TOLLIP: variants seen among roughly 807,000 people sequenced by gnomAD.
TOLLIP encodes toll interacting protein, also known as toll-interacting protein.
In TOLLIP, 16 loss-of-function variants were observed where a neutral mutation model predicts 33.5. The ratio of observed to expected loss-of-function variants is 0.48; its 90% CI spans 0.32 to 0.72. TOLLIP has a LOEUF of 0.72. Ranked by LOEUF, TOLLIP falls within the 30% of genes least tolerant of loss-of-function variation. The pLI is 0.03. For missense variants in TOLLIP, 325 were observed against 396.6 expected (o/e 0.82, Z 1.53); for synonymous variants, 176 against 163.7 (o/e 1.07, Z -0.57).
chr11:1,304,489 G>A (rs957118224), intron 1 of TOLLIP, among the ~76,000 whole-genome samples: 7 of 152,358 alleles, frequency 4.6e-5, no homozygotes, highest in Non-Finnish European at 7.3e-5. Context: ...ACATTCCTGC[G>A]GGAGCCCCAA....
intron 1 of TOLLIP, chr11:1,306,306 C>G (rs549471946): frequency 6.6e-6 from 1 of 152,216 alleles, no homozygotes; most frequent in East Asian, 1.9e-4. Flanking sequence ...GAAGCTCCCT[C>G]TACCCAAGGA....
chr11:1,288,888 G>T, intron 3 of TOLLIP, 112 bp from the exon 4 acceptor site: 1 of 1,191,380 alleles, frequency 8.4e-7, no homozygotes, highest in Non-Finnish European at 1.2e-6. Context: ...GTGGAACAGG[G>T]CTCCCACCTG....
chr11:1,297,148 C>T (rs1004050408), intron 1 of TOLLIP, among the ~76,000 whole-genome samples: 10 of 152,092 alleles, frequency 6.6e-5, no homozygotes, highest in Admixed American at 4.6e-4. Flanking sequence ...GTGTGTCGGA[C>T]GTGAGCTTAG....
At chr11:1,286,503 C>T (rs1380231459) in intron 4 of TOLLIP, among the ~76,000 whole-genome samples, 1 of 152,222 alleles carries the variant, frequency 6.6e-6, no homozygotes, top group Non-Finnish European at 1.5e-5. Flanking sequence ...AAACTGTCCA[C>T]TGTGGATAAG....
rs768385278 is a variant in TOLLIP at position 1,276,560 on chromosome 11, C to G, written c.*479G>C. 61 of 846,590 alleles carry G rather than the reference C, an allele frequency of 7.2e-5. No homozygotes were observed. The highest frequency in any genetic ancestry group is 1.0e-4 in the Non-Finnish European group (61 of 607,078). 52.4% of individuals were successfully genotyped at this position (846,590 alleles called of 1,614,324 possible). A position where few individuals can be genotyped will look rare whatever the true frequency, so the allele number is the denominator to read the frequency against. ...CAGGGGCCAGGCTCACAGCAAAGCG[C>G]GTTAGGGCAAGGGCGTGAGTTTTCG... On this transcript the variant is annotated 3_prime_UTR_variant, in exon 6 of 6. Coordinates refer to ENST00000317204, the MANE Select transcript of TOLLIP (RefSeq NM_019009.4).
chr11:1,283,361 C>T (rs943031024), intron 5 of TOLLIP: 13 of 349,162 alleles, frequency 3.7e-5, no homozygotes, highest in South Asian at 8.5e-5. Flanking sequence ...CTGGATGCTG[C>T]GGACTCAGAC....
intron 1 of TOLLIP, 85 bp downstream of exon 1, chr11:1,309,381 C>G: frequency 1.3e-6 from 1 of 776,430 alleles, no homozygotes; most frequent in Non-Finnish European, 1.7e-6. Flanking sequence ...GCCCGCCAGC[C>G]GCAGCTGAGC....
chr11:1,293,504 A>G (rs1342512738), intron 2 of TOLLIP, among the ~76,000 whole-genome samples: 1 of 152,174 alleles, frequency 6.6e-6, no homozygotes, highest in African/African-American at 2.4e-5. Flanking sequence ...CAAGCAGGGA[A>G]CCACCTGTGT....
intron 5 of TOLLIP, among the ~76,000 whole-genome samples, chr11:1,284,507 C>T (rs1296136847): frequency 6.6e-6 from 1 of 152,176 alleles, no homozygotes; most frequent in Non-Finnish European, 1.5e-5. Context: ...CACCACCGCG[C>T]CCGGCTAATT....
chr11:1,299,595 T>C (rs967341840), intron 1 of TOLLIP, among the ~76,000 whole-genome samples: 2 of 152,216 alleles, frequency 1.3e-5, no homozygotes, highest in African/African-American at 4.8e-5. Flanking sequence ...TTACCCTGGT[T>C]CAAAGGCTTG....
At chr11:1,301,072 T>C (rs1864262271) in intron 1 of TOLLIP, among the ~76,000 whole-genome samples, 1 of 152,288 alleles carries the variant, frequency 6.6e-6, no homozygotes, top group South Asian at 2.1e-4. Flanking sequence ...ACTAAAATGC[T>C]TCTAGCACTT....
At chr11:1,291,846 C>T (rs1158768387) in intron 2 of TOLLIP, 1 of 161,656 alleles carries the variant, frequency 6.2e-6, no homozygotes, top group Non-Finnish European at 1.4e-5. Flanking sequence ...ACGGCCGCCC[C>T]GTCCTCACCG....
chr11:1,297,664 C>A (rs1383243468), intron 1 of TOLLIP, among the ~76,000 whole-genome samples: 2 of 152,258 alleles, frequency 1.3e-5, no homozygotes, highest in African/African-American at 2.4e-5. Flanking sequence ...AAGCAGAGCA[C>A]CCCGGCTTCA....
In TOLLIP at chr11:1,309,584, G is replaced by A. The variant is rs1245971909; in HGVS notation, c.-86C>T. Reference sequence around the variant, plus strand: ...CGCCCCCGCCGGAGCCTGCGACGGAGACAGTTGTCACCTCGAGGCCGCCGC... The same window carrying A: ...CGCCCCCGCCGGAGCCTGCGACGGAAACAGTTGTCACCTCGAGGCCGCCGC... On this transcript the variant is annotated 5_prime_UTR_variant, in exon 1 of 6. Transcript: ENST00000317204. The A allele has an allele frequency of 2.1e-5, 15 of 698,826 alleles. No individual in the cohort carries two copies. The highest frequency in any genetic ancestry group is 3.0e-5 in the Non-Finnish European group (15 of 501,952). 43.3% of individuals were successfully genotyped at this position (698,826 alleles called of 1,614,324 possible).
At chr11:1,286,298 C>A (rs748403718) in intron 4 of TOLLIP, among the ~76,000 whole-genome samples, 1 of 152,214 alleles carries the variant, frequency 6.6e-6, no homozygotes, top group Non-Finnish European at 1.5e-5. Flanking sequence ...CTCCTCAAAT[C>A]CAGGAGGTGA....
chr11:1,306,554 G>T (rs1364933883), intron 1 of TOLLIP, among the ~76,000 whole-genome samples: 2 of 152,146 alleles, frequency 1.3e-5, no homozygotes, highest in Non-Finnish European at 2.9e-5. Context: ...AAGAGGACAT[G>T]ATAAATACTG....
intron 5 of TOLLIP, among the ~76,000 whole-genome samples, chr11:1,283,760 T>G (rs1005513886): frequency 1.3e-5 from 2 of 152,244 alleles, no homozygotes; most frequent in African/African-American, 4.8e-5. Flanking sequence ...AGATACACCC[T>G]GGCGCTGTAT....
intron 1 of TOLLIP, among the ~76,000 whole-genome samples, chr11:1,304,415 G>A (rs1014484691): frequency 6.6e-6 from 1 of 152,254 alleles, no homozygotes; most frequent in Non-Finnish European, 1.5e-5. Flanking sequence ...CGAGACACCA[G>A]AAGGGATAAG....
intron 1 of TOLLIP, among the ~76,000 whole-genome samples, chr11:1,298,971 C>T (rs1439079558): frequency 6.6e-6 from 1 of 152,214 alleles, no homozygotes; most frequent in Non-Finnish European, 1.5e-5. Context: ...TGGCTAAACG[C>T]AAGGCAGGGT....
Sources: allele counts gnomAD v4.1 joint callset (sites outside exome capture counted in the v4.1 genomes callset), GRCh38; gene constraint gnomAD v4.1.1; transcripts MANE v1.5; gene names NCBI Gene and HGNC (gene_info 2026-07-23, HGNC 2026-07-21).